The following ZSCAN5A variants were observed in gnomAD, a reference collection of about 807,000 sequenced individuals.
ZSCAN5A encodes the protein zinc finger and SCAN domain containing 5A.
A neutral mutation model predicts 23.7 loss-of-function variants in ZSCAN5A; 12 were observed. The observed-to-expected ratio is 0.51, with a 90% confidence interval of 0.32 to 0.82. The LOEUF is 0.82. Ranked by LOEUF, ZSCAN5A falls within the 40% of genes least tolerant of loss-of-function variation. The probability of loss-of-function intolerance (pLI) is 0.03; values close to 1 mark genes in which losing one functional copy is unlikely to be tolerated. For synonymous variants in ZSCAN5A, 257 were observed against 239.9 expected (o/e 1.07, Z -0.66); for missense variants, 597 against 617.9 (o/e 0.97, Z 0.36).
chr19:56,322,361 T>C (rs1438067839), intron 2 of ZSCAN5A: 2 of 761,396 alleles, frequency 2.6e-6, no homozygotes, highest in African/African-American at 1.7e-5. Context: ...TGGCTTCCCC[T>C]ATTCCACACC....
At position 56,267,769 on chromosome 19, in the gene ZSCAN5A, A is replaced by G. The variant is rs557864183; in HGVS notation, c.-127-42596T>C. Reference sequence around the variant, plus strand: ...TTTTTTCATCTATAAAATGACGCTAATAACAGTTCCCATCTCATAGTGTTG... The same window carrying G: ...TTTTTTCATCTATAAAATGACGCTAGTAACAGTTCCCATCTCATAGTGTTG... On this transcript the variant is annotated intron_variant, in intron 2 of 5. Transcript: ENST00000683990. Among the ~76,000 whole-genome samples the G allele has an allele frequency of 3.9e-5, 6 of 152,358 alleles. No individual in the cohort carries two copies. In the South Asian group the frequency reaches 6.2e-4, roughly 16 times the overall value.
At chr19:56,229,882 C>T (rs2034306612) in intron 2 of ZSCAN5A, among the ~76,000 whole-genome samples, 1 of 151,800 alleles carries the variant, frequency 6.6e-6, no homozygotes. Flanking sequence ...GGTTTTTGTT[C>T]CACTAGCTTG....
intron 2 of ZSCAN5A, among the ~76,000 whole-genome samples, chr19:56,288,286 C>T (rs1242351745): frequency 6.6e-6 from 1 of 152,196 alleles, no homozygotes; most frequent in African/African-American, 2.4e-5. Flanking sequence ...AGGCTCCATC[C>T]AGCCCAGGAA....
intron 2 of ZSCAN5A, among the ~76,000 whole-genome samples, chr19:56,337,217 G>T (rs2041547311): frequency 6.6e-6 from 1 of 152,238 alleles, no homozygotes; most frequent in Admixed American, 6.5e-5. Flanking sequence ...TCCTCGAGCT[G>T]TGGTGGGCTC....
At chr19:56,269,834 T>C (rs983917596) in intron 2 of ZSCAN5A, among the ~76,000 whole-genome samples, 3 of 152,200 alleles carry the variant, frequency 2.0e-5, no homozygotes, top group African/African-American at 4.8e-5. Context: ...GCAGAAGGAA[T>C]GTAGCTTTAC....
intron 2 of ZSCAN5A, among the ~76,000 whole-genome samples, chr19:56,355,896 G>T (rs570638736): frequency 6.7e-6 from 1 of 148,930 alleles, no homozygotes; most frequent in South Asian, 2.1e-4. Flanking sequence ...ACAACCTAAA[G>T]AAATTTACAG....
chr19:56,320,060 CA>C (rs2041358703), intron 2 of ZSCAN5A: 1 of 786,676 alleles, frequency 1.3e-6, no homozygotes, highest in Admixed American at 1.7e-5. Flanking sequence ...ATCAGACTTA[CA>C]AAATCTCTTC....
At chr19:56,357,527 G>A (rs939835329) in intron 2 of ZSCAN5A, among the ~76,000 whole-genome samples, 7 of 147,434 alleles carry the variant, frequency 4.7e-5, no homozygotes, top group African/African-American at 1.8e-4. Context: ...ACAAAATATT[G>A]TTAGCTATAG....
At chr19:56,272,951 AT>A (rs1379070240) in intron 2 of ZSCAN5A, 6 of 947,602 alleles carry the variant, frequency 6.3e-6, no homozygotes, top group Non-Finnish European at 7.5e-6. Flanking sequence ...TGTGTCCTCT[AT>A]GTATTTTCTT....
intron 2 of ZSCAN5A, among the ~76,000 whole-genome samples, chr19:56,251,317 T>A (rs116381978): frequency 0.013 from 2,008 of 152,276 alleles, 43 homozygotes; most frequent in African/African-American, 0.043. Flanking sequence ...TTTGGTGCTT[T>A]TCTGTGTAGT....
chr19:56,239,621 T>C (rs1252729903), intron 2 of ZSCAN5A, among the ~76,000 whole-genome samples: 1 of 152,180 alleles, frequency 6.6e-6, no homozygotes. Flanking sequence ...TGATTTAGAC[T>C]AGTTCAAGCA....
At chr19:56,285,005 G>T in intron 2 of ZSCAN5A, 4 of 985,360 alleles carry the variant, frequency 4.1e-6, no homozygotes, top group Non-Finnish European at 4.8e-6. Context: ...CAGGTCTCAT[G>T]AGCAGACTGT....
chr19:56,299,285 C>G (rs2040078130), intron 2 of ZSCAN5A, among the ~76,000 whole-genome samples: 2 of 151,928 alleles, frequency 1.3e-5, no homozygotes, highest in Admixed American at 6.6e-5. Context: ...GCACGAGACA[C>G]CACACCCAGC....
At position 56,238,745 on chromosome 19, in the gene ZSCAN5A, T is replaced by C. The variant is rs1600054653; in HGVS notation, c.-127-13572A>G. Reference sequence around the variant, plus strand: ...AGAGGGCACACAAATGGAAAGATAGTCCATGTTCATAAATCGGAAGAATTC... The same window carrying C: ...AGAGGGCACACAAATGGAAAGATAGCCCATGTTCATAAATCGGAAGAATTC... On this transcript the variant is annotated intron_variant, in intron 2 of 5. Transcript: ENST00000683990. Among the ~76,000 whole-genome samples the C allele has an allele frequency of 2.0e-5, 3 of 152,030 alleles. No homozygotes were observed. In the South Asian group the frequency reaches 6.2e-4, roughly 32 times the overall value.
At chr19:56,264,785 T>G (rs1422331191) in intron 2 of ZSCAN5A, among the ~76,000 whole-genome samples, 1 of 152,166 alleles carries the variant, frequency 6.6e-6, no homozygotes, top group African/African-American at 2.4e-5. Context: ...AGAAAAAGTT[T>G]TCCTACTCTT....
intron 2 of ZSCAN5A, among the ~76,000 whole-genome samples, chr19:56,234,112 G>C (rs750385040): frequency 6.6e-6 from 1 of 152,170 alleles, no homozygotes; most frequent in Non-Finnish European, 1.5e-5. Flanking sequence ...AGGAGAGGAG[G>C]TGTGTGGGAT....
At chr19:56,262,332 T>G (rs2037181413) in intron 2 of ZSCAN5A, among the ~76,000 whole-genome samples, 1 of 150,212 alleles carries the variant, frequency 6.7e-6, no homozygotes, top group African/African-American at 2.4e-5. Context: ...TTTTCTAACT[T>G]CTATCACCAT....
At chr19:56,232,732 A>G (rs10410535) in intron 2 of ZSCAN5A, among the ~76,000 whole-genome samples, 67,200 of 151,598 alleles carry the variant, frequency 0.44, 15,228 homozygotes, top group South Asian at 0.58. Context: ...AGGCTGAAGC[A>G]CAGTTGCACA....
At chr19:56,228,664 T>A (rs190566398) in intron 2 of ZSCAN5A, among the ~76,000 whole-genome samples, 228 of 152,268 alleles carry the variant, frequency 1.5e-3, no homozygotes, top group Non-Finnish European at 2.3e-3. Flanking sequence ...TGATTTGATC[T>A]AGTTTGAGCA....
Sources: allele counts gnomAD v4.1 joint callset (sites outside exome capture counted in the v4.1 genomes callset), GRCh38; gene constraint gnomAD v4.1.1; transcripts MANE v1.5; gene names NCBI Gene and HGNC (gene_info 2026-07-23, HGNC 2026-07-21).